The following CASC3 variants were observed in gnomAD, a reference collection of about 807,000 sequenced individuals.
The protein encoded by CASC3 is CASC3 exon junction complex subunit, also known as protein CASC3.
Under a neutral mutation model 80.5 loss-of-function variants are expected in CASC3, and 30 were observed. The observed-to-expected ratio is 0.37, with a 90% confidence interval of 0.28 to 0.51. The LOEUF (loss-of-function observed/expected upper bound fraction) is 0.51, where lower values mean the gene tolerates loss of function less well. Ranked by LOEUF, CASC3 falls within the 20% of genes least tolerant of loss-of-function variation. CASC3 has a pLI of 0.94. For synonymous variants in CASC3, 312 were observed against 333.6 expected (o/e 0.94, Z 0.70); for missense variants, 824 against 922.2 (o/e 0.89, Z 1.38).
rs1989602801 is a variant in CASC3, at chr17:40,171,913, T to C, written c.*1508T>C. 2 of 1,257,564 alleles carry C rather than the reference T, an allele frequency of 1.6e-6. No individual in the cohort carries two copies. The highest frequency in any genetic ancestry group is 3.1e-5 in the African/African-American group (2 of 64,528). 77.9% of individuals were successfully genotyped at this position (1,257,564 alleles called of 1,614,324 possible). On this transcript the variant is annotated 3_prime_UTR_variant, in exon 14 of 14. Coordinates refer to ENST00000264645, the MANE Select transcript of CASC3 (RefSeq NM_007359.5). ...CAAGGAGGAAATAACTAAGAGATTCTTCTAGGGGTAGCTGGTGGTTGTGCC... is the reference window on the plus strand; with the variant it reads ...CAAGGAGGAAATAACTAAGAGATTCCTCTAGGGGTAGCTGGTGGTTGTGCC...
At chr17:40,143,096 A>T (rs11868935) in intron 3 of CASC3, among the ~76,000 whole-genome samples, 3,047 of 151,410 alleles carry the variant, frequency 0.02, 102 homozygotes, top group African/African-American at 0.066. Context: ...CAAAAAAAAA[A>T]AAATAAATAA....
At chr17:40,153,641 T>C (rs1989068331) in intron 3 of CASC3, among the ~76,000 whole-genome samples, 1 of 152,176 alleles carries the variant, frequency 6.6e-6, no homozygotes, top group African/African-American at 2.4e-5. Flanking sequence ...TTCCAGTTTC[T>C]CTATATCCTT....
At position 40,171,632 on chromosome 17, in the gene CASC3, C is replaced by T. The variant is rs1598433634; in HGVS notation, c.*1227C>T. 1.0e-6 allele frequency: 1 copy of T among 993,694 alleles called. No homozygotes were observed. Among genetic ancestry groups the T allele is most frequent in the Middle Eastern group, 5.2e-4 (1 of 1,930 alleles). The allele number at this position is 993,694 out of a possible 1,614,324, so 61.6% of individuals were successfully genotyped here. A position where few individuals can be genotyped will look rare whatever the true frequency, so the allele number is the denominator to read the frequency against. ...CTTCTGGGCAAGGGCTCCTATCTTT[C>T]CTCCCTATCCATGGCACTAAACCAC... On this transcript the variant is annotated 3_prime_UTR_variant, in exon 14 of 14. Transcript: ENST00000264645.
chr17:40,145,933 AT>A (rs1304931294), intron 3 of CASC3, among the ~76,000 whole-genome samples: 4 of 151,866 alleles, frequency 2.6e-5, no homozygotes, highest in African/African-American at 9.7e-5. Context: ...GCTTTGTCTG[AT>A]TTAAATTTTA....
Position 40,171,877 on chromosome 17 carries a change from T to C in CASC3, c.*1472T>C. 1 of 1,208,322 alleles carries C rather than the reference T, an allele frequency of 8.3e-7. No homozygotes were observed. Among genetic ancestry groups the C allele is most frequent in the South Asian group, 1.5e-5 (1 of 66,376 alleles). 74.9% of individuals were successfully genotyped at this position (1,208,322 alleles called of 1,614,324 possible). A position where few individuals can be genotyped will look rare whatever the true frequency, so the allele number is the denominator to read the frequency against. On this transcript the variant is annotated 3_prime_UTR_variant, in exon 14 of 14. Coordinates refer to ENST00000264645, the MANE Select transcript of CASC3 (RefSeq NM_007359.5). The stretch of plus-strand genomic sequence containing the variant: ...ATGGAGAGTGGGGAGAGGCACTTAA[T>C]CTGTAACCCCCAAGGAGGAAATAAC...
At chr17:40,141,399 T>C in intron 2 of CASC3, 165 bp downstream of exon 2, 1 of 837,822 alleles carries the variant, frequency 1.2e-6, no homozygotes, top group Non-Finnish European at 2.0e-6. Context: ...AGTATAGTCT[T>C]CAGCAAGTTA....
chr17:40,165,956 G>A (rs1401643720), intron 7 of CASC3, among the ~76,000 whole-genome samples: 1 of 140,390 alleles, frequency 7.1e-6, no homozygotes. Context: ...TTGAAAAGAC[G>A]GGGGGTCTCA....
At position 40,163,475 on chromosome 17, in the gene CASC3, T is replaced by TTG. The variant is rs111604369; in HGVS notation, c.786-4_786-3dup. ...CCTAACAGTTTCTTCATTCCATTTT[T>TTG]TGTAGATATGGGAGTCCTCCACAAA... On this transcript the variant is annotated splice_region_variant and splice_polypyrimidine_tract_variant and intron_variant, in intron 6 of 13. Coordinates refer to ENST00000264645, the MANE Select transcript of CASC3 (RefSeq NM_007359.5). 49,209 of 1,597,992 alleles carry TTG rather than the reference T, an allele frequency of 0.031. 1,695 individuals carry two copies. The highest frequency in any genetic ancestry group is 0.18 in the African/African-American group (13,029 of 74,054).
At chr17:40,143,771 A>G (rs1462686749) in intron 3 of CASC3, among the ~76,000 whole-genome samples, 2 of 151,990 alleles carry the variant, frequency 1.3e-5, no homozygotes, top group East Asian at 3.9e-4. Flanking sequence ...CAGAGGTTGC[A>G]GTGAGCCGAA....
chr17:40,165,264 T>C (rs2145180101), intron 7 of CASC3, among the ~76,000 whole-genome samples: 1 of 151,590 alleles, frequency 6.6e-6, no homozygotes, highest in East Asian at 1.9e-4. Context: ...GGGGTTTCAT[T>C]ATGTTGGCCA....
intron 3 of CASC3, among the ~76,000 whole-genome samples, chr17:40,152,937 C>T (rs1244622580): frequency 4.0e-5 from 6 of 151,740 alleles, no homozygotes; most frequent in Admixed American, 6.6e-5. Context: ...CCACCACGCC[C>T]GGCTAATTTT....
Position 40,170,679 on chromosome 17 carries a change from G to A in CASC3, c.*274G>A. Reference sequence around the variant, plus strand: ...AGCAGAGAGAGCCAGACAGCCCCAAGCTTCTGAGTCTAGATACAGAAGCCC... The same window carrying A: ...AGCAGAGAGAGCCAGACAGCCCCAAACTTCTGAGTCTAGATACAGAAGCCC... On this transcript the variant is annotated 3_prime_UTR_variant, in exon 14 of 14. Coordinates refer to ENST00000264645, the MANE Select transcript of CASC3 (RefSeq NM_007359.5). 1.0e-6 allele frequency: 1 copy of A among 985,518 alleles called. No individual in the cohort carries two copies. The highest frequency in any genetic ancestry group is 1.2e-6 in the Non-Finnish European group (1 of 829,932). The allele number at this position is 985,518 out of a possible 1,614,324, so 61.0% of individuals were successfully genotyped here. A position where few individuals can be genotyped will look rare whatever the true frequency, so the allele number is the denominator to read the frequency against.
chr17:40,148,252 A>C (rs961272843), intron 3 of CASC3, among the ~76,000 whole-genome samples: 3 of 151,856 alleles, frequency 2.0e-5, no homozygotes, highest in African/African-American at 7.3e-5. Context: ...TCCCTGTCCT[A>C]CTGAATTTGG....
chr17:40,169,204 TAG>T (rs1989528773), intron 11 of CASC3, 118 bp from the exon 12 acceptor site: 2 of 1,029,340 alleles, frequency 1.9e-6, no homozygotes, highest in Non-Finnish European at 2.7e-6. Flanking sequence ...GTGGGCAGAT[TAG>T]ATATTTTTAA....
At chr17:40,163,041 T>C in intron 6 of CASC3, 140 bp downstream of exon 6, 1 of 549,146 alleles carries the variant, frequency 1.8e-6, no homozygotes, top group Non-Finnish European at 3.1e-6. Context: ...GGGAACATAG[T>C]GAGACCCTGT....
At position 40,141,224 on chromosome 17, in the gene CASC3, T is replaced by G; in HGVS notation, c.249T>G (p.Ile83Met). 1.9e-6 allele frequency: 3 copies of G among 1,613,952 alleles called. No individual in the cohort carries two copies. Among genetic ancestry groups the G allele is most frequent in the Non-Finnish European group, 2.5e-6 (3 of 1,179,824 alleles). ...TCTTTCAGGAGAGTGAAGATGGCAT[T>G]GAAGGTGATGGTGAGTAGCATCTTT... is the stretch of plus-strand genomic sequence containing the variant. ...EESECESEDGIEGDAVLSDYE... is the reference protein window; with the variant it reads ...EESECESEDGMEGDAVLSDYE... Residue 83 changes from isoleucine (I) to methionine (M), a missense_variant, in exon 2 of 14, where the codon ATT becomes ATG. Coordinates refer to ENST00000264645, the MANE Select transcript of CASC3 (RefSeq NM_007359.5).
rs565577696 is a variant in CASC3, at chr17:40,141,088, C to T, written c.232-119C>T. ...TACTACTTGATAAAGATTTACCTAT[C>T]TCTGTCTCCCTCTCCAACCATTTTG... On this transcript the variant is annotated intron_variant, in intron 1 of 13. Transcript: ENST00000264645. 1.6e-4 allele frequency: 152 copies of T among 936,680 alleles called. No homozygotes were observed. In the African/African-American group the frequency reaches 2.1e-3, roughly 13 times the overall value. 58.0% of individuals were successfully genotyped at this position (936,680 alleles called of 1,614,324 possible).
chr17:40,146,975 CT>C (rs1988878575), intron 3 of CASC3, among the ~76,000 whole-genome samples: 1 of 152,152 alleles, frequency 6.6e-6, no homozygotes, highest in Admixed American at 6.5e-5. Flanking sequence ...CAGGGACCGT[CT>C]GTAGTCACTA....
intron 3 of CASC3, among the ~76,000 whole-genome samples, chr17:40,157,163 G>A (rs1369654720): frequency 6.6e-6 from 1 of 151,276 alleles, no homozygotes; most frequent in Non-Finnish European, 1.5e-5. Context: ...GGCTAACATG[G>A]TGAAACCCCG....
Sources: allele counts gnomAD v4.1 joint callset (sites outside exome capture counted in the v4.1 genomes callset), GRCh38; gene constraint gnomAD v4.1.1; transcripts MANE v1.5; gene names NCBI Gene and HGNC (gene_info 2026-07-23, HGNC 2026-07-21).